LRIG1: variants seen among roughly 807,000 people sequenced by gnomAD.
The protein encoded by LRIG1 is leucine-rich repeats and immunoglobulin-like domains protein 1.
Under a neutral mutation model 99.2 loss-of-function variants are expected in LRIG1, and 48 were observed. That is an observed-to-expected ratio of 0.48 (90% CI 0.38 to 0.62). The LOEUF (loss-of-function observed/expected upper bound fraction) is 0.62, where lower values mean the gene tolerates loss of function less well. Among genes scored for constraint, LRIG1 ranks in the 20% least tolerant of loss-of-function variants. The pLI is 0.00. For synonymous variants in LRIG1, 772 were observed against 596.1 expected (o/e 1.29, Z -4.30); for missense variants, 1,646 against 1,434.4 (o/e 1.15, Z -2.38).
At chr3:66,475,216 T>TGA (rs1700693447) in intron 1 of LRIG1, among the ~76,000 whole-genome samples, 1 of 152,186 alleles carries the variant, frequency 6.6e-6, no homozygotes, top group Non-Finnish European at 1.5e-5. Context: ...TTTGTCAAAG[T>TGA]CTCTGCCTAG....
At chr3:66,413,042 A>T (rs751174655) in intron 5 of LRIG1, 28 bp from the exon 6 acceptor site, 28 of 1,613,920 alleles carry the variant, frequency 1.7e-5, no homozygotes, top group East Asian at 2.2e-5. Context: ...GCAGGGTCAG[A>T]GTGTCTTATG....
At chr3:66,418,994 G>C (rs533013496) in intron 3 of LRIG1, among the ~76,000 whole-genome samples, 2 of 152,074 alleles carry the variant, frequency 1.3e-5, no homozygotes, top group African/African-American at 4.8e-5. Flanking sequence ...CAGTTTTCTG[G>C]CTCCAAAGGA....
chr3:66,380,720 T>C lies in LRIG1; in HGVS notation c.2912A>G (p.Asp971Gly), dbSNP rs140085866. The change falls in exon 18 of 19, where the codon GAC (aspartate) becomes GGC (glycine). Residue 971 changes from aspartate (D) to glycine (G), a missense_variant. By Grantham distance (94) the Asp-to-Gly change is moderately conservative. Transcript: ENST00000273261. ...APNGPEPGGS[D>G]QEHSPHHQCS... ...CTGGTGATGTGGAGAATGCTCTTGGTCACTCCCACCCGGCTCCGGGCCATT... is the reference window on the plus strand; with the variant it reads ...CTGGTGATGTGGAGAATGCTCTTGGCCACTCCCACCCGGCTCCGGGCCATT... 2.5e-6 allele frequency: 4 copies of C among 1,614,072 alleles called. No individual in the cohort carries two copies. The highest frequency in any genetic ancestry group is 3.4e-6 in the Non-Finnish European group (4 of 1,180,032).
intron 3 of LRIG1, among the ~76,000 whole-genome samples, chr3:66,437,142 A>AGG (rs1703388356): frequency 6.6e-6 from 1 of 152,232 alleles, no homozygotes; most frequent in Non-Finnish European, 1.5e-5. Context: ...GGCATCTCCC[A>AGG]GCATGGGCTG....
chr3:66,499,661 C>T (rs915433787), intron 1 of LRIG1, among the ~76,000 whole-genome samples: 14 of 152,146 alleles, frequency 9.2e-5, no homozygotes, highest in African/African-American at 3.4e-4. Flanking sequence ...GCTACACACA[C>T]TATCAACTAA....
At chr3:66,388,161 A>T (rs1163422190) in intron 12 of LRIG1, 2 of 151,298 alleles carry the variant, frequency 1.3e-5, no homozygotes, top group Non-Finnish European at 2.9e-5. Flanking sequence ...TTTTATAGCA[A>T]TAAAGAGAAA....
rs532235519 is a variant in LRIG1 at position 66,382,308 on chromosome 3, C to T, written c.2582G>A (p.Gly861Asp). ...DRQETVVRTE[G>D]GPQANGHIES... ...AATGTGCCCATTGGCCTGAGGGCCA[C>T]CCTCGGTCCTGACCACGGTTTCTTG... is the stretch of plus-strand genomic sequence containing the variant. Residue 861 changes from glycine (G) to aspartate (D), a missense_variant, in exon 16 of 19, where the codon GGT (glycine) becomes GAT (aspartate). Physicochemically the swap from Gly to Asp is moderately conservative, Grantham distance 94 (BLOSUM62 -1). Transcript: ENST00000273261. 3 of 1,614,172 alleles carry T rather than the reference C, an allele frequency of 1.9e-6. No individual in the cohort carries two copies. Among genetic ancestry groups the T allele is most frequent in the Non-Finnish European group, 2.5e-6 (3 of 1,180,010 alleles).
intron 12 of LRIG1, 90 bp downstream of exon 12, chr3:66,393,950 T>C (rs1000601579): frequency 2.9e-6 from 4 of 1,399,108 alleles, no homozygotes; most frequent in African/African-American, 1.4e-5. Context: ...GGGTTTACTC[T>C]GATCACAGGA....
chr3:66,393,802 T>G (rs1701720302), intron 12 of LRIG1, among the ~76,000 whole-genome samples: 1 of 152,226 alleles, frequency 6.6e-6, no homozygotes, highest in African/African-American at 2.4e-5. Flanking sequence ...GATTTGTAAC[T>G]GAACCAACTT....
chr3:66,417,329 G>A, intron 3 of LRIG1, 63 bp from the exon 4 acceptor site: 4 of 1,543,072 alleles, frequency 2.6e-6, no homozygotes, highest in Non-Finnish European at 3.6e-6. Context: ...CAAGAAACTA[G>A]TATTCCTGCA....
Position 66,380,429 on chromosome 3 carries a change from G to T in LRIG1, c.3116C>A (p.Ala1039Glu). The T allele has an allele frequency of 6.2e-7, 1 of 1,614,204 alleles. No homozygotes were observed. Among genetic ancestry groups the T allele is most frequent in the Non-Finnish European group, 8.5e-7 (1 of 1,180,048 alleles). The change falls in exon 19 of 19, where the codon GCA becomes GAA. Residue 1039 changes from alanine (A) to glutamate (E), a missense_variant. By Grantham distance (107) the Ala-to-Glu change is moderately radical (BLOSUM62 -1). Transcript: ENST00000273261. ...YHPDSTELQP[A>E]SSLTSGSPER... ...TGGACTGCCTGAAGTTAATGAAGAT[G>T]CAGGCTGTAGCTCTGTGGAGTCCGG...
chr3:66,430,181 C>A (rs557285959), intron 3 of LRIG1, among the ~76,000 whole-genome samples: 1 of 128,572 alleles, frequency 7.8e-6, no homozygotes, highest in Non-Finnish European at 1.6e-5. Flanking sequence ...AAAACAACAA[C>A]AACAACAACA....
intron 1 of LRIG1, among the ~76,000 whole-genome samples, chr3:66,478,514 T>C (rs1700776105): frequency 6.6e-6 from 1 of 152,194 alleles, no homozygotes; most frequent in African/African-American, 2.4e-5. Flanking sequence ...GTCAATAAGG[T>C]AGGCTGTGCC....
chr3:66,434,642 G>A (rs6809329), intron 3 of LRIG1, among the ~76,000 whole-genome samples: 12,964 of 151,876 alleles, frequency 0.085, 1,765 homozygotes, highest in African/African-American at 0.3. Flanking sequence ...AGCTTCTGGG[G>A]AGGCTGAGGC....
intron 13 of LRIG1, 129 bp from the exon 14 acceptor site, chr3:66,384,401 AG>A: frequency 1.0e-6 from 1 of 990,542 alleles, no homozygotes; most frequent in Non-Finnish European, 1.5e-6. Context: ...ATGTCTGCCC[AG>A]GACCACTCCT....
intron 5 of LRIG1, among the ~76,000 whole-genome samples, chr3:66,413,699 CT>C (rs952233316): frequency 9.9e-5 from 15 of 152,176 alleles, no homozygotes; most frequent in African/African-American, 3.6e-4. Context: ...CCAGAAAGCC[CT>C]TGGTTTTCCC....
At chr3:66,438,115 T>C (rs1440315461) in intron 3 of LRIG1, among the ~76,000 whole-genome samples, 1 of 152,138 alleles carries the variant, frequency 6.6e-6, no homozygotes, top group Non-Finnish European at 1.5e-5. Flanking sequence ...CACATCTGGA[T>C]GCTTGGGAGC....
chr3:66,438,072 T>C (rs893312271), intron 3 of LRIG1, among the ~76,000 whole-genome samples: 2 of 152,082 alleles, frequency 1.3e-5, no homozygotes, highest in African/African-American at 4.8e-5. Context: ...GTGGCTGGTG[T>C]GGAGTGGGGA....
At chr3:66,419,179 G>C (rs1284732886) in intron 3 of LRIG1, among the ~76,000 whole-genome samples, 2 of 152,146 alleles carry the variant, frequency 1.3e-5, no homozygotes, top group Non-Finnish European at 2.9e-5. Flanking sequence ...CACAAAGAGG[G>C]GGTGAGGCCT....
Sources: allele counts gnomAD v4.1 joint callset (sites outside exome capture counted in the v4.1 genomes callset), GRCh38; gene constraint gnomAD v4.1.1; transcripts MANE v1.5; gene names NCBI Gene and HGNC (gene_info 2026-07-23, HGNC 2026-07-21).